Variants in DLG2 observed in about 807,000 individuals in gnomAD.
DLG2 encodes the protein disks large homolog 2.
In DLG2, 45 loss-of-function variants were observed where a neutral mutation model predicts 132.5. The ratio of observed to expected loss-of-function variants is 0.34; its 90% CI spans 0.27 to 0.44. The LOEUF (loss-of-function observed/expected upper bound fraction) is 0.44, where lower values mean the gene tolerates loss of function less well. DLG2 is among the 20% of genes least tolerant of loss of function. The probability of loss-of-function intolerance (pLI) is 1.00; values close to 1 mark genes in which losing one functional copy is unlikely to be tolerated. For synonymous variants in DLG2, 424 were observed against 419.6 expected (o/e 1.01, Z -0.13); for missense variants, 1,045 against 1,196.9 (o/e 0.87, Z 1.87).
intron 8 of DLG2, among the ~76,000 whole-genome samples, chr11:84,169,872 C>T (rs74668451): frequency 7.1e-6 from 1 of 141,562 alleles, no homozygotes; most frequent in Non-Finnish European, 1.5e-5. Flanking sequence ...GACTTGGTCT[C>T]AAAAAAAAAA....
intron 10 of DLG2, among the ~76,000 whole-genome samples, chr11:84,083,506 G>T (rs1395059986): frequency 6.6e-6 from 1 of 152,196 alleles, no homozygotes; most frequent in Non-Finnish European, 1.5e-5. Context: ...ATGCAACAGT[G>T]TTGGGAGGTC....
chr11:84,719,503 G>C (rs1434357431), intron 6 of DLG2, among the ~76,000 whole-genome samples: 3 of 152,152 alleles, frequency 2.0e-5, no homozygotes, highest in African/African-American at 7.2e-5. Flanking sequence ...CCATTAATGG[G>C]CTAAAACTGT....
chr11:83,905,113 C>A (rs1221185372), intron 15 of DLG2, among the ~76,000 whole-genome samples: 1 of 152,070 alleles, frequency 6.6e-6, no homozygotes, highest in East Asian at 1.9e-4. Context: ...CCTAAAACAA[C>A]AATAATAATG....
chr11:84,978,106 G>T lies in DLG2; in HGVS notation c.357+133555C>A, dbSNP rs369220669. On this transcript the variant is annotated intron_variant, in intron 6 of 27. Coordinates refer to ENST00000376104, the MANE Select transcript of DLG2 (RefSeq NM_001142699.3). ...GAAAATATTGTTTATATTTGTTAAG[G>T]TACACTGAAAATGTACTTCAAAATT... is the stretch of plus-strand genomic sequence containing the variant. Among the ~76,000 whole-genome samples, 5 of 152,140 alleles carry T rather than the reference G, an allele frequency of 3.3e-5. No individual in the cohort carries two copies. The South Asian group carries it at 6.2e-4, about 19-fold the overall frequency.
intron 9 of DLG2, among the ~76,000 whole-genome samples, chr11:84,147,187 T>C (rs370600216): frequency 1.3e-5 from 2 of 151,888 alleles, no homozygotes; most frequent in Non-Finnish European, 2.9e-5. Context: ...TTCGGATCCA[T>C]TGGGTTTAGT....
At chr11:84,443,966 T>C (rs555571059) in intron 7 of DLG2, among the ~76,000 whole-genome samples, 1 of 152,074 alleles carries the variant, frequency 6.6e-6, no homozygotes, top group Non-Finnish European at 1.5e-5. Flanking sequence ...ATTTTCTTTC[T>C]AAGCAATTTA....
At chr11:85,232,315 T>C (rs1565192162) in intron 4 of DLG2, among the ~76,000 whole-genome samples, 1 of 151,948 alleles carries the variant, frequency 6.6e-6, no homozygotes, top group Non-Finnish European at 1.5e-5. Context: ...TATCTTTTGA[T>C]AATTTTTATT....
chr11:84,550,453 AG>A (rs946787217), intron 6 of DLG2, among the ~76,000 whole-genome samples: 2 of 152,160 alleles, frequency 1.3e-5, no homozygotes, highest in African/African-American at 4.8e-5. Context: ...AGAAAAAAAA[AG>A]TCTCAGACAC....
At chr11:84,966,924 A>G (rs747923533) in intron 6 of DLG2, among the ~76,000 whole-genome samples, 3 of 152,160 alleles carry the variant, frequency 2.0e-5, no homozygotes, top group Non-Finnish European at 4.4e-5. Context: ...AAATCCAGTA[A>G]TTAAACTGAG....
Position 85,111,730 on chromosome 11 carries a change from G to A in DLG2, c.288C>T (p.Asn96=). The change falls in exon 6 of 28, where the codon AAC becomes AAT. Residue 96 remains asparagine, a synonymous_variant. Coordinates refer to ENST00000376104, the MANE Select transcript of DLG2 (RefSeq NM_001142699.3). The part of the protein sequence containing the change: ...ENETDETTTQ[N]QGRCPAQNCS... ...AATTCTGGGCTGGGCATCTGCCTTG[G>A]TTTTGCTGCAAATAAGTAAAAATTA... The A allele has an allele frequency of 6.4e-7, 1 of 1,555,466 alleles. No individual in the cohort carries two copies. The highest frequency in any genetic ancestry group is 2.4e-5 in the East Asian group (1 of 41,362).
chr11:85,087,434 G>A (rs1023658548), intron 6 of DLG2, among the ~76,000 whole-genome samples: 12 of 152,184 alleles, frequency 7.9e-5, no homozygotes, highest in African/African-American at 1.9e-4. Flanking sequence ...AGACAGTGAT[G>A]GCCAAAGCCC....
At chr11:84,917,321 T>C (rs1198738283) in intron 6 of DLG2, among the ~76,000 whole-genome samples, 1 of 152,204 alleles carries the variant, frequency 6.6e-6, no homozygotes, top group African/African-American at 2.4e-5. Context: ...GTAAGACATA[T>C]GCAATTTTAT....
chr11:83,634,930 T>C (rs2064410158), intron 18 of DLG2, among the ~76,000 whole-genome samples: 1 of 152,226 alleles, frequency 6.6e-6, no homozygotes, highest in Non-Finnish European at 1.5e-5. Flanking sequence ...TTCCTGCTCA[T>C]GCTTAGCTTT....
At chr11:84,455,252 G>C (rs909529124) in intron 7 of DLG2, among the ~76,000 whole-genome samples, 1 of 151,350 alleles carries the variant, frequency 6.6e-6, no homozygotes, top group African/African-American at 2.4e-5. Flanking sequence ...TAGTAATAAT[G>C]CAAGTGTTAA....
chr11:83,815,792 G>A (rs1295487788), intron 17 of DLG2, among the ~76,000 whole-genome samples: 2 of 152,170 alleles, frequency 1.3e-5, no homozygotes, highest in Non-Finnish European at 2.9e-5. Context: ...GGGGCCTCTG[G>A]AAAGTGCTTC....
intron 9 of DLG2, among the ~76,000 whole-genome samples, chr11:84,104,736 T>C (rs1480166257): frequency 6.6e-6 from 1 of 152,054 alleles, no homozygotes. Flanking sequence ...TAATTAATAA[T>C]AGTAAAATTG....
At chr11:84,801,071 C>T (rs2075311313) in intron 6 of DLG2, among the ~76,000 whole-genome samples, 1 of 151,996 alleles carries the variant, frequency 6.6e-6, no homozygotes, top group Admixed American at 6.6e-5. Context: ...AAGCATGAGG[C>T]CAGGAATAGG....
chr11:84,601,188 G>C (rs1159790428), intron 6 of DLG2, among the ~76,000 whole-genome samples: 1 of 152,004 alleles, frequency 6.6e-6, no homozygotes, highest in African/African-American at 2.4e-5. Context: ...GGTTATTCTG[G>C]AAGCTGTAGT....
At chr11:83,594,477 GCATGATCTTGTTTAAACTGACAA>G (rs2097251550) in intron 19 of DLG2, among the ~76,000 whole-genome samples, 1 of 152,176 alleles carries the variant, frequency 6.6e-6, no homozygotes, top group Admixed American at 6.5e-5. Flanking sequence ...CATTTCAGAT[GCATGATCTTGTTTAAACTGACAA>G]CATGCTTAAA....
Sources: gnomAD v4.1 joint callset for allele counts (sites outside exome capture counted in the v4.1 genomes callset) on GRCh38, gnomAD v4.1.1 for gene constraint, MANE v1.5 for transcripts, NCBI Gene and HGNC (gene_info 2026-07-23, HGNC 2026-07-21) for gene names.